Variants in UCK2 observed in about 807,000 individuals in gnomAD.
The protein encoded by UCK2 is uridine-cytidine kinase 2.
In UCK2, 6 loss-of-function variants were observed where a neutral mutation model predicts 30.8. The ratio of observed to expected loss-of-function variants is 0.19; its 90% CI spans 0.11 to 0.38. The LOEUF (loss-of-function observed/expected upper bound fraction) is 0.38. Among genes scored for constraint, UCK2 ranks in the 10% least tolerant of loss-of-function variants. UCK2 has a pLI of 1.00. For missense variants in UCK2, 210 were observed against 339.8 expected (o/e 0.62, Z 3.00); for synonymous variants, 125 against 133.6 (o/e 0.94, Z 0.45).
chr1:165,867,004 G>A (rs996256634), intron 1 of UCK2, among the ~76,000 whole-genome samples: 6 of 152,086 alleles, frequency 3.9e-5, no homozygotes, highest in Non-Finnish European at 7.4e-5. Flanking sequence ...TGCAGACCAC[G>A]GCAATAAAGT....
rs544349375 is a variant in UCK2 at position 165,876,995 on chromosome 1, G to C, written c.100-13209G>C. On this transcript the variant is annotated intron_variant, in intron 1 of 6. Transcript: ENST00000367879. ...CAAGATATTTAACTTAATTACATGT[G>C]CAAAGACCTTTTTTCCAAATAAGGT... Among the ~76,000 whole-genome samples, 6 of 152,260 alleles carry C rather than the reference G, an allele frequency of 3.9e-5. No individual in the cohort carries two copies. In the South Asian group the frequency reaches 1.2e-3, roughly 32 times the overall value.
chr1:165,896,811 C>G (rs1213322138), intron 4 of UCK2, among the ~76,000 whole-genome samples: 1 of 152,184 alleles, frequency 6.6e-6, no homozygotes, highest in Non-Finnish European at 1.5e-5. Context: ...GAGGCATTAT[C>G]ACTCTTTCCA....
At chr1:165,863,261 A>C (rs1055122883) in intron 1 of UCK2, among the ~76,000 whole-genome samples, 3 of 152,236 alleles carry the variant, frequency 2.0e-5, no homozygotes, top group African/African-American at 7.2e-5. Flanking sequence ...CAGAGTGGGC[A>C]GCTTGTGTGT....
At position 165,841,489 on chromosome 1, in the gene UCK2, A is replaced by G. The variant is rs867185261; in HGVS notation, c.99+13557A>G. 3.3e-5 allele frequency among the ~76,000 whole-genome samples: 5 copies of G among 152,234 alleles called. No homozygotes were observed. In the Middle Eastern group the frequency reaches 0.01, roughly 311 times the overall value. Reference sequence around the variant, plus strand: ...GCGTGAGCCACCGCGCCTGGCCTGTACTACTTCTTTAATCCAGGTCACAAA... The same window carrying G: ...GCGTGAGCCACCGCGCCTGGCCTGTGCTACTTCTTTAATCCAGGTCACAAA... On this transcript the variant is annotated intron_variant, in intron 1 of 6. Coordinates refer to ENST00000367879, the MANE Select transcript of UCK2 (RefSeq NM_012474.5).
chr1:165,891,365 G>A (rs371874889), intron 3 of UCK2, 43 bp downstream of exon 3: 11 of 1,565,994 alleles, frequency 7.0e-6, no homozygotes, highest in Admixed American at 3.3e-5. Context: ...CCACTGCTCC[G>A]CAGAGCATCC....
chr1:165,830,388 G>C (rs958799645), intron 1 of UCK2, among the ~76,000 whole-genome samples: 1 of 150,632 alleles, frequency 6.6e-6, no homozygotes, highest in African/African-American at 2.4e-5. Flanking sequence ...GCAGTGGCAT[G>C]ATCTCGGCTC....
intron 4 of UCK2, among the ~76,000 whole-genome samples, chr1:165,900,966 G>A (rs534699972): frequency 5.3e-5 from 8 of 152,238 alleles, no homozygotes; most frequent in East Asian, 1.9e-4. Flanking sequence ...ATCTGGAGAC[G>A]TGTGAAGAAT....
chr1:165,854,932 T>C (rs549917791), intron 1 of UCK2, among the ~76,000 whole-genome samples: 11 of 152,346 alleles, frequency 7.2e-5, no homozygotes, highest in African/African-American at 2.6e-4. Flanking sequence ...TTAACTGGGT[T>C]TGAATAATTA....
intron 4 of UCK2, among the ~76,000 whole-genome samples, chr1:165,898,441 G>A (rs1162249345): frequency 1.3e-5 from 2 of 152,248 alleles, no homozygotes; most frequent in East Asian, 1.9e-4. Context: ...TGAAGGGGTC[G>A]GTGCTGTTCG....
At chr1:165,842,110 C>T (rs1654344989) in intron 1 of UCK2, among the ~76,000 whole-genome samples, 1 of 152,124 alleles carries the variant, frequency 6.6e-6, no homozygotes, top group African/African-American at 2.4e-5. Context: ...TTGACAGTGC[C>T]CTTGTCCTCT....
At chr1:165,893,149 G>A (rs1571296292) in intron 3 of UCK2, among the ~76,000 whole-genome samples, 1 of 152,322 alleles carries the variant, frequency 6.6e-6, no homozygotes, top group East Asian at 1.9e-4. Flanking sequence ...CTGAAAGAAA[G>A]CAGTGGAACT....
intron 1 of UCK2, among the ~76,000 whole-genome samples, chr1:165,847,122 TA>T (rs570543643): frequency 9.4e-4 from 136 of 145,380 alleles, no homozygotes; most frequent in South Asian, 8.3e-3. Flanking sequence ...TTGGTAAAAG[TA>T]AAAAAAAAAA....
At chr1:165,906,246 A>G (rs1647656346) in intron 6 of UCK2, among the ~76,000 whole-genome samples, 1 of 152,202 alleles carries the variant, frequency 6.6e-6, no homozygotes, top group Non-Finnish European at 1.5e-5. Context: ...CCCAATGATG[A>G]CACTTGGGTA....
chr1:165,850,768 G>A (rs1404341192), intron 1 of UCK2, among the ~76,000 whole-genome samples: 6 of 151,370 alleles, frequency 4.0e-5, no homozygotes, highest in Admixed American at 1.3e-4. Context: ...ACAGGCGCCC[G>A]CCACCACACC....
At chr1:165,840,851 A>T (rs1654310705) in intron 1 of UCK2, among the ~76,000 whole-genome samples, 2 of 152,122 alleles carry the variant, frequency 1.3e-5, no homozygotes, top group South Asian at 2.1e-4. Flanking sequence ...GCATCTTTTT[A>T]AAAAAACCTT....
intron 1 of UCK2, among the ~76,000 whole-genome samples, chr1:165,833,482 G>A (rs773440789): frequency 5.3e-5 from 8 of 152,082 alleles, no homozygotes; most frequent in African/African-American, 1.7e-4. Context: ...GCTGCCTCCA[G>A]TAGTTCCTAT....
intron 1 of UCK2, among the ~76,000 whole-genome samples, chr1:165,830,970 A>G (rs2101846100): frequency 6.6e-6 from 1 of 152,316 alleles, no homozygotes; most frequent in African/African-American, 2.4e-5. Flanking sequence ...TCTACAAATA[A>G]TAAAATTATC....
In UCK2 at chr1:165,907,591, G is replaced by A. The variant is rs564623346; in HGVS notation, c.647-93G>A. On this transcript the variant is annotated intron_variant, in intron 6 of 6. Coordinates refer to ENST00000367879, the MANE Select transcript of UCK2 (RefSeq NM_012474.5). ...ACTTCCCTGGAAGTCTTTCTACTGT[G>A]GTTCCTGCATGCCCTTCCCCCAGAC... The A allele has an allele frequency of 2.7e-6, 4 of 1,501,210 alleles. No individual in the cohort carries two copies. The African/African-American group carries it at 5.6e-5, about 21-fold the overall frequency. The allele number at this position is 1,501,210 out of a possible 1,614,324, so 93.0% of individuals were successfully genotyped here.
At chr1:165,902,212 G>T (rs946512194) in intron 4 of UCK2, among the ~76,000 whole-genome samples, 5 of 152,004 alleles carry the variant, frequency 3.3e-5, no homozygotes, top group African/African-American at 1.2e-4. Flanking sequence ...CTCCAGCCTG[G>T]GTGACAGAGT....
Sources: allele counts gnomAD v4.1 joint callset (sites outside exome capture counted in the v4.1 genomes callset), GRCh38; gene constraint gnomAD v4.1.1; transcripts MANE v1.5; gene names NCBI Gene and HGNC (gene_info 2026-07-23, HGNC 2026-07-21).